Variants in FA2H observed in about 807,000 individuals in gnomAD.
FA2H encodes fatty acid 2-hydroxylase.
In FA2H, 22 loss-of-function variants were observed where a neutral mutation model predicts 44.9. The observed-to-expected ratio is 0.49, with a 90% CI of 0.35 to 0.70. The LOEUF (loss-of-function observed/expected upper bound fraction) is 0.70, where lower values mean the gene tolerates loss of function less well. Ranked by LOEUF, FA2H falls within the 30% of genes least tolerant of loss-of-function variation. The pLI is 0.01. For missense variants in FA2H, 501 were observed against 504.9 expected, an observed-to-expected ratio of 0.99 and a Z score of 0.07; for synonymous variants, 243 against 213.2, an observed-to-expected ratio of 1.14 and a Z score of -1.22.
At chr16:74,720,180 C>CAT (rs1961802434) in intron 4 of FA2H, among the ~76,000 whole-genome samples, 1 of 47,200 alleles carries the variant, frequency 2.1e-5, no homozygotes, top group Non-Finnish European at 3.7e-5. Context: ...CATCCTCATC[C>CAT]TTTTTTTTTT....
chr16:74,723,681 C>G (rs1272749834), intron 4 of FA2H, among the ~76,000 whole-genome samples: 1 of 152,106 alleles, frequency 6.6e-6, no homozygotes, highest in African/African-American at 2.4e-5. Context: ...CAGAGAAACC[C>G]TGATACCTCT....
At position 74,770,026 on chromosome 16, in the gene FA2H, G is replaced by T. The variant is rs537594110; in HGVS notation, c.270+4460C>A. 1.2e-4 allele frequency among the ~76,000 whole-genome samples: 18 copies of T among 152,342 alleles called. No individual in the cohort carries two copies. The South Asian group carries it at 2.3e-3, about 19-fold the overall frequency. ...GTGCAGGGGGAACAAACGGGTCCAG[G>T]CCTTCTCCCTGGGGGAAGGGCCAGG... On this transcript the variant is annotated intron_variant, in intron 1 of 6. Transcript: ENST00000219368.
chr16:74,716,588 G>A lies in FA2H; in HGVS notation c.798C>T (p.Asp266=), dbSNP rs771402018. 7.3e-5 allele frequency: 114 copies of A among 1,563,996 alleles called. No individual in the cohort carries two copies. The highest frequency in any genetic ancestry group is 8.7e-5 in the Non-Finnish European group (101 of 1,155,640). Residue 266 remains aspartate, a synonymous_variant, in exon 6 of 7, where the codon GAC becomes GAT. Coordinates refer to ENST00000219368, the MANE Select transcript of FA2H (RefSeq NM_024306.5). ...CAGGGGGGAAGACCAGGCGGGAGCC[G>A]TCGAAGGGTGCCTGCAGATGGAGAG... The part of the protein sequence containing the change: ...MHGQHHKAPF[D]GSRLVFPPVP...
chr16:74,732,669 C>T (rs1355412196), intron 2 of FA2H, among the ~76,000 whole-genome samples: 2 of 152,152 alleles, frequency 1.3e-5, no homozygotes, highest in African/African-American at 4.8e-5. Context: ...GAACTCCTGG[C>T]TTCAGGTGAT....
chr16:74,737,615 A>T (rs1567641436), intron 2 of FA2H, among the ~76,000 whole-genome samples: 1 of 151,722 alleles, frequency 6.6e-6, no homozygotes, highest in Admixed American at 6.6e-5. Flanking sequence ...CTCTGTCCCC[A>T]CCTTCTAGGG....
At chr16:74,772,732 AG>A (rs1962932280) in intron 1 of FA2H, among the ~76,000 whole-genome samples, 5 of 152,224 alleles carry the variant, frequency 3.3e-5, no homozygotes, top group Admixed American at 3.3e-4. Context: ...CCATGGTTTC[AG>A]TAACCCACGG....
At chr16:74,735,334 C>A (rs1962159379) in intron 2 of FA2H, among the ~76,000 whole-genome samples, 1 of 152,100 alleles carries the variant, frequency 6.6e-6, no homozygotes, top group Admixed American at 6.5e-5. Context: ...CCGTCCTGCG[C>A]GGTCTAACTG....
chr16:74,758,247 AG>A (rs1962647721), intron 1 of FA2H, among the ~76,000 whole-genome samples: 1 of 149,314 alleles, frequency 6.7e-6, no homozygotes, highest in Non-Finnish European at 1.5e-5. Flanking sequence ...CAGCCTCCTG[AG>A]TAGCTGGGAT....
chr16:74,772,589 C>G (rs913874200), intron 1 of FA2H, among the ~76,000 whole-genome samples: 1 of 152,162 alleles, frequency 6.6e-6, no homozygotes, highest in Non-Finnish European at 1.5e-5. Context: ...GAAAAGCCAC[C>G]TGAAACAGTG....
At chr16:74,718,136 A>G (rs904744145) in intron 5 of FA2H, among the ~76,000 whole-genome samples, 7 of 152,232 alleles carry the variant, frequency 4.6e-5, no homozygotes, top group Non-Finnish European at 1.0e-4. Flanking sequence ...GCGGCCGATC[A>G]AACCCCGAAT....
chr16:74,771,048 G>C (rs1418490703), intron 1 of FA2H, among the ~76,000 whole-genome samples: 1 of 152,122 alleles, frequency 6.6e-6, no homozygotes, highest in Non-Finnish European at 1.5e-5. Context: ...GCATACTCAG[G>C]ATGGTGTTGC....
At chr16:74,767,637 G>A (rs1460767490) in intron 1 of FA2H, among the ~76,000 whole-genome samples, 1 of 152,102 alleles carries the variant, frequency 6.6e-6, no homozygotes, top group African/African-American at 2.4e-5. Context: ...TTGCTGGCTG[G>A]GCCAAGAGCC....
chr16:74,731,298 C>CTTTT (rs796570887), intron 2 of FA2H, among the ~76,000 whole-genome samples: 1 of 131,396 alleles, frequency 7.6e-6, no homozygotes, highest in African/African-American at 2.8e-5. Context: ...CCACGTCTGG[C>CTTTT]TTTTTTTTTT....
chr16:74,774,537 C>A lies in FA2H; in HGVS notation c.219G>T (p.Ala73=). The change falls in exon 1 of 7, where the codon GCG becomes GCT. Residue 73 remains alanine, a synonymous_variant. Transcript: ENST00000219368. ...CGTAGTACTGCTCCAGCCAGCGGCGCGCGTTGGCCGAGTGCCTGTGCGGCG... is the reference window on the plus strand; with the variant it reads ...CGTAGTACTGCTCCAGCCAGCGGCGAGCGTTGGCCGAGTGCCTGTGCGGCG... ...DGPPHRHSAN[A]RRWLEQYYVG... is the part of the protein sequence containing the mutation. The A allele has an allele frequency of 6.5e-7, 1 of 1,544,068 alleles. No individual in the cohort carries two copies. The highest frequency in any genetic ancestry group is 1.2e-5 in the South Asian group (1 of 82,308).
Position 74,727,425 on chromosome 16 carries a change from G to A in FA2H, c.364-39C>T, listed in dbSNP as rs146187584. On this transcript the variant is annotated intron_variant, in intron 2 of 6. Coordinates refer to ENST00000219368, the MANE Select transcript of FA2H (RefSeq NM_024306.5). The stretch of plus-strand genomic sequence containing the variant: ...AGCCAAGTGGACGTTTGATATTCAC[G>A]TCTTCCCATATTCGTTCTCCCATTT... 128 of 1,606,434 alleles carry A rather than the reference G, an allele frequency of 8.0e-5. No individual in the cohort carries two copies. The African/African-American group carries it at 1.4e-3, about 17-fold the overall frequency.
At chr16:74,738,743 G>A (rs377552625) in intron 2 of FA2H, among the ~76,000 whole-genome samples, 4 of 150,820 alleles carry the variant, frequency 2.7e-5, no homozygotes, top group African/African-American at 9.8e-5. Flanking sequence ...ATTCCCCTCC[G>A]ATCTCCCCCT....
chr16:74,748,105 A>C (rs577758937), intron 1 of FA2H, among the ~76,000 whole-genome samples: 2 of 152,064 alleles, frequency 1.3e-5, no homozygotes, highest in African/African-American at 4.8e-5. Context: ...CAGGCATTCA[A>C]ATAGGACAGG....
intron 1 of FA2H, among the ~76,000 whole-genome samples, chr16:74,767,775 T>C (rs1287617369): frequency 2.0e-5 from 3 of 152,352 alleles, no homozygotes; most frequent in Middle Eastern, 3.4e-3. Flanking sequence ...TAAATGTGTG[T>C]TGCTTTAAGC....
intron 1 of FA2H, among the ~76,000 whole-genome samples, chr16:74,766,919 C>T (rs1468590836): frequency 6.6e-6 from 1 of 151,930 alleles, no homozygotes; most frequent in Admixed American, 6.6e-5. Context: ...CTCTGGGAGG[C>T]GCTGTTGCCT....
Sources: allele counts gnomAD v4.1 joint callset (sites outside exome capture counted in the v4.1 genomes callset), GRCh38; gene constraint gnomAD v4.1.1; transcripts MANE v1.5; gene names NCBI Gene and HGNC (gene_info 2026-07-23, HGNC 2026-07-21).